The following CFAP70 variants were observed in gnomAD, a reference collection of about 807,000 sequenced individuals.
CFAP70 encodes the protein cilia- and flagella-associated protein 70.
CFAP70 carries 81 observed loss-of-function variants against 137.6 expected under a neutral mutation model. The ratio of observed to expected loss-of-function variants is 0.59; its 90% confidence interval spans 0.49 to 0.71. The LOEUF is 0.71. Among genes scored for constraint, CFAP70 ranks in the 30% least tolerant of loss-of-function variants. CFAP70 has a pLI of 0.00. For synonymous variants in CFAP70, 382 were observed against 423.6 expected, an observed-to-expected ratio of 0.90 and a Z score of 1.20; for missense variants, 976 against 1,226.7, an observed-to-expected ratio of 0.80 and a Z score of 3.05.
At chr10:73,286,305 G>T (rs10160017) in intron 19 of CFAP70, among the ~76,000 whole-genome samples, 1 of 151,982 alleles carries the variant, frequency 6.6e-6, no homozygotes, top group Admixed American at 6.5e-5. Context: ...TTAGCCGGGC[G>T]TGGTGGCGGG....
At chr10:73,283,612 G>T (rs936815372) in intron 19 of CFAP70, among the ~76,000 whole-genome samples, 1 of 152,038 alleles carries the variant, frequency 6.6e-6, no homozygotes, top group Non-Finnish European at 1.5e-5. Context: ...GATTTTCTTT[G>T]CTCTGGAGTC....
intron 19 of CFAP70, among the ~76,000 whole-genome samples, chr10:73,286,902 T>C (rs1057191041): frequency 6.6e-6 from 1 of 152,236 alleles, no homozygotes; most frequent in African/African-American, 2.4e-5. Flanking sequence ...TGGCTAGTTA[T>C]CTGCAGCAGA....
chr10:73,310,928 C>T (rs2049861670), intron 11 of CFAP70, among the ~76,000 whole-genome samples: 1 of 152,142 alleles, frequency 6.6e-6, no homozygotes, highest in Non-Finnish European at 1.5e-5. Context: ...CTGTCATCAA[C>T]ACTCATCTAT....
At position 73,278,162 on chromosome 10, in the gene CFAP70, T is replaced by C. The variant is rs1185659085; in HGVS notation, c.2398+17A>G. The C allele has an allele frequency of 1.2e-6, 2 of 1,611,480 alleles. No individual in the cohort carries two copies. Among genetic ancestry groups the C allele is most frequent in the Admixed American group, 3.3e-5 (2 of 59,816 alleles). ...CTTATGCCCCTCTTCCAAGTGGAAATCTTTATTTCTAGTTACCTTTCTTTG... is the reference window on the plus strand; with the variant it reads ...CTTATGCCCCTCTTCCAAGTGGAAACCTTTATTTCTAGTTACCTTTCTTTG... On this transcript the variant is annotated intron_variant, in intron 20 of 26. Coordinates refer to ENST00000310715, the Ensembl canonical transcript of CFAP70.
At chr10:73,320,137 G>A (rs1003063822) in intron 9 of CFAP70, among the ~76,000 whole-genome samples, 21 of 152,050 alleles carry the variant, frequency 1.4e-4, no homozygotes, top group Admixed American at 4.6e-4. Context: ...GAAACTTGAT[G>A]TTTTTGGTAA....
At chr10:73,330,315 T>C (rs1031948668) in intron 8 of CFAP70, among the ~76,000 whole-genome samples, 1 of 151,722 alleles carries the variant, frequency 6.6e-6, no homozygotes, top group Non-Finnish European at 1.5e-5. Flanking sequence ...CCGGGCGTGG[T>C]GGTGTGTGCC....
intron 19 of CFAP70, among the ~76,000 whole-genome samples, chr10:73,280,647 AGTTT>A (rs1207258356): frequency 6.6e-6 from 1 of 152,158 alleles, no homozygotes; most frequent in Non-Finnish European, 1.5e-5. Flanking sequence ...ACATTTTGTT[AGTTT>A]ATGTCTGTCA....
intron 14 of CFAP70, 110 bp downstream of exon 15, chr10:73,298,797 G>A (rs2048723712): frequency 1.1e-5 from 11 of 960,542 alleles, no homozygotes; most frequent in Non-Finnish European, 1.7e-5. Flanking sequence ...GCCCCACCAA[G>A]AAAGGTAAGA....
chr10:73,280,484 A>G (rs1188578059), intron 19 of CFAP70, among the ~76,000 whole-genome samples: 2 of 152,128 alleles, frequency 1.3e-5, no homozygotes, highest in Non-Finnish European at 2.9e-5. Flanking sequence ...TTTTTTGAAC[A>G]TGTGGTATGA....
At chr10:73,270,279 G>A (rs1265582207) in intron 24 of CFAP70, among the ~76,000 whole-genome samples, 3 of 152,036 alleles carry the variant, frequency 2.0e-5, no homozygotes, top group African/African-American at 2.4e-5. Context: ...TCTGGGCTCT[G>A]GGCACGTGGA....
intron 20 of CFAP70, 46 bp from the exon 22 acceptor site, chr10:73,277,407 A>G (rs765987321): frequency 2.5e-6 from 4 of 1,596,746 alleles, no homozygotes; most frequent in Admixed American, 1.7e-5. Flanking sequence ...TATAACAGAA[A>G]AAGTGTCAGA....
chr10:73,260,084 G>C (rs2044997462), intron 25 of CFAP70, among the ~76,000 whole-genome samples: 1 of 151,512 alleles, frequency 6.6e-6, no homozygotes, highest in African/African-American at 2.4e-5. Context: ...TGGGCACAGA[G>C]GCTCATGCCT....
intron 3 of CFAP70, among the ~76,000 whole-genome samples, chr10:73,351,357 A>T (rs1390164719): frequency 6.6e-6 from 1 of 151,808 alleles, no homozygotes; most frequent in Non-Finnish European, 1.5e-5. Context: ...TGACCTCGTG[A>T]TCTGCCCGCC....
At chr10:73,344,971 A>G (rs1340627285) in intron 5 of CFAP70, 94 bp downstream of exon 6, 3 of 986,116 alleles carry the variant, frequency 3.0e-6, no homozygotes, top group Non-Finnish European at 4.6e-6. Flanking sequence ...TAGCAGTGCA[A>G]TGCTTTGAAT....
At chr10:73,291,731 A>G (rs939594744) in exon 18 of CFAP70, 3 of 1,614,218 alleles carry the variant, frequency 1.9e-6, no homozygotes, top group Non-Finnish European at 2.5e-6. Flanking sequence ...CCAACAGGAC[A>G]GCCAGGACAC....
intron 3 of CFAP70, among the ~76,000 whole-genome samples, chr10:73,351,766 T>C (rs886457014): frequency 6.6e-6 from 1 of 152,182 alleles, no homozygotes; most frequent in African/African-American, 2.4e-5. Flanking sequence ...GATCTTCCAG[T>C]TTTTGGAATG....
intron 3 of CFAP70, 135 bp downstream of exon 3, chr10:73,353,421 A>T: frequency 1.2e-6 from 1 of 818,816 alleles, no homozygotes; most frequent in African/African-American, 1.7e-5. Flanking sequence ...TGCTTCTGGG[A>T]ACAAAGGAAC....
intron 1 of CFAP70, among the ~76,000 whole-genome samples, chr10:73,358,056 C>G (rs751583683): frequency 1.3e-5 from 2 of 152,214 alleles, no homozygotes; most frequent in Non-Finnish European, 2.9e-5. Flanking sequence ...GGATAACTTC[C>G]AACCTGTTTC....
chr10:73,356,229 C>A (rs544558470), intron 1 of CFAP70, among the ~76,000 whole-genome samples: 71 of 148,800 alleles, frequency 4.8e-4, no homozygotes, highest in Middle Eastern at 6.8e-3. Context: ...TTCAGGCTCT[C>A]ATTCTGTCAC....
Sources: gnomAD v4.1 joint callset for allele counts (sites outside exome capture counted in the v4.1 genomes callset) on GRCh38, gnomAD v4.1.1 for gene constraint, MANE v1.5 for transcripts, NCBI Gene and HGNC (gene_info 2026-07-23, HGNC 2026-07-21) for gene names.